Variants in PDZRN3 observed in about 807,000 individuals in gnomAD.
The protein encoded by PDZRN3 is E3 ubiquitin-protein ligase PDZRN3.
Under a neutral mutation model 85.7 loss-of-function variants are expected in PDZRN3, and 38 were observed. The observed-to-expected ratio is 0.44, with a 90% CI of 0.34 to 0.58. PDZRN3 has a LOEUF of 0.58. PDZRN3 is among the 20% of genes least tolerant of loss of function. The pLI is 0.01. For missense variants in PDZRN3, 1,629 were observed against 1,506.4 expected (o/e 1.08, Z -1.35); for synonymous variants, 759 against 638.0 (o/e 1.19, Z -2.86).
chr3:73,453,420 AAAAC>A (rs1702911648), intron 3 of PDZRN3, among the ~76,000 whole-genome samples: 7 of 90,916 alleles, frequency 7.7e-5, no homozygotes, highest in South Asian at 5.1e-4. Context: ...AAAAAAAAAA[AAAAC>A]AAAAAAAAAA....
In PDZRN3 at chr3:73,524,929, G is replaced by A. The variant is rs181010050; in HGVS notation, c.918+77425C>T. 5.2e-4 allele frequency among the ~76,000 whole-genome samples: 78 copies of A among 150,476 alleles called. 2 individuals are homozygous for A. The Middle Eastern group carries it at 0.038, about 74-fold the overall frequency. ...ATATACATATGAAAATCACAGATCC[G>A]ATTCATATATATGAAAATCATAGAT... On this transcript the variant is annotated intron_variant, in intron 3 of 9. Transcript: ENST00000263666.
chr3:73,409,013 T>C (rs1029250904), intron 3 of PDZRN3, among the ~76,000 whole-genome samples: 2 of 152,188 alleles, frequency 1.3e-5, no homozygotes, highest in Admixed American at 6.5e-5. Context: ...TTTAAAACAG[T>C]TTATGCAGCT....
rs78503012 is a variant in PDZRN3, at chr3:73,543,747, A to G, written c.918+58607T>C. 3.3e-3 allele frequency among the ~76,000 whole-genome samples: 504 copies of G among 152,352 alleles called. 1 individual carries two copies. Among genetic ancestry groups the G allele is most frequent in the African/African-American group, 0.012 (486 of 41,582 alleles). On this transcript the variant is annotated intron_variant, in intron 3 of 9. Coordinates refer to ENST00000263666, the MANE Select transcript of PDZRN3 (RefSeq NM_015009.3). ...CTCAGCAAAGTCAATCCTTGGGGCTATTGCACAGAACATCTGATACCTTTA... is the reference window on the plus strand; with the variant it reads ...CTCAGCAAAGTCAATCCTTGGGGCTGTTGCACAGAACATCTGATACCTTTA...
At chr3:73,470,541 G>C (rs1300576576) in intron 3 of PDZRN3, among the ~76,000 whole-genome samples, 2 of 152,184 alleles carry the variant, frequency 1.3e-5, no homozygotes, top group Admixed American at 1.3e-4. Flanking sequence ...TTTGAATCCA[G>C]GGCTGTAACT....
At chr3:73,581,762 A>G (rs1702204831) in intron 3 of PDZRN3, among the ~76,000 whole-genome samples, 1 of 152,088 alleles carries the variant, frequency 6.6e-6, no homozygotes, top group African/African-American at 2.4e-5. Context: ...AACATGTTGG[A>G]AAATGAGCAC....
chr3:73,548,049 G>A (rs892838413), intron 3 of PDZRN3, among the ~76,000 whole-genome samples: 1 of 152,202 alleles, frequency 6.6e-6, no homozygotes, highest in Non-Finnish European at 1.5e-5. Flanking sequence ...TGGAGTGCTT[G>A]CTGAGATAAG....
At chr3:73,454,807 G>T (rs767581623) in intron 3 of PDZRN3, among the ~76,000 whole-genome samples, 1 of 151,928 alleles carries the variant, frequency 6.6e-6, no homozygotes, top group African/African-American at 2.4e-5. Flanking sequence ...TTAAAAGCAT[G>T]AACAAATACT....
At chr3:73,527,908 C>T (rs189425608) in intron 3 of PDZRN3, among the ~76,000 whole-genome samples, 13 of 152,276 alleles carry the variant, frequency 8.5e-5, no homozygotes, top group Non-Finnish European at 1.5e-4. Context: ...AGGCAAAACA[C>T]GAACTACAGA....
chr3:73,420,471 T>TATTTG (rs1702177457), intron 3 of PDZRN3, among the ~76,000 whole-genome samples: 1 of 152,210 alleles, frequency 6.6e-6, no homozygotes. Flanking sequence ...TCTGAGAATT[T>TATTTG]TCCCTAAAAG....
chr3:73,566,330 A>G (rs1259203459), intron 3 of PDZRN3, among the ~76,000 whole-genome samples: 1 of 152,224 alleles, frequency 6.6e-6, no homozygotes, highest in East Asian at 1.9e-4. Context: ...ATTTTCTCAA[A>G]ATATTTACAT....
At chr3:73,517,165 T>A (rs1000090224) in intron 3 of PDZRN3, among the ~76,000 whole-genome samples, 5 of 152,190 alleles carry the variant, frequency 3.3e-5, no homozygotes, top group Non-Finnish European at 7.3e-5. Context: ...GGTGATACAG[T>A]GGAAAGATCC....
chr3:73,568,982 G>C (rs987638447), intron 3 of PDZRN3, among the ~76,000 whole-genome samples: 5 of 152,144 alleles, frequency 3.3e-5, no homozygotes, highest in Non-Finnish European at 5.9e-5. Flanking sequence ...TGAAATTGTT[G>C]TTCTGCCCTT....
intron 3 of PDZRN3, among the ~76,000 whole-genome samples, chr3:73,571,138 C>T (rs1344820804): frequency 6.6e-6 from 1 of 152,222 alleles, no homozygotes; most frequent in Non-Finnish European, 1.5e-5. Flanking sequence ...GAGATTAAAA[C>T]ATTTCAGTCA....
chr3:73,433,913 T>C, intron 3 of PDZRN3: 2 of 1,426,580 alleles, frequency 1.4e-6, no homozygotes, highest in Non-Finnish European at 1.8e-6. Context: ...GCAGCATGCA[T>C]GCATGCACGC....
intron 3 of PDZRN3, among the ~76,000 whole-genome samples, chr3:73,426,512 C>G (rs1007124766): frequency 2.0e-5 from 3 of 151,932 alleles, no homozygotes; most frequent in Admixed American, 6.6e-5. Context: ...AGTTCTCAAA[C>G]AAAACAATTT....
intron 3 of PDZRN3, among the ~76,000 whole-genome samples, chr3:73,559,580 T>G (rs1157090629): frequency 6.6e-6 from 1 of 152,200 alleles, no homozygotes; most frequent in Non-Finnish European, 1.5e-5. Context: ...GAGCCTTCAG[T>G]TGATTTGAAG....
intron 1 of PDZRN3, among the ~76,000 whole-genome samples, chr3:73,623,226 T>C (rs970142150): frequency 6.6e-6 from 1 of 152,194 alleles, no homozygotes; most frequent in African/African-American, 2.4e-5. Context: ...ACTCTCTCCC[T>C]GAAGCCTGAC....
At chr3:73,599,453 G>C (rs1427065553) in intron 3 of PDZRN3, among the ~76,000 whole-genome samples, 1 of 152,206 alleles carries the variant, frequency 6.6e-6, no homozygotes, top group Non-Finnish European at 1.5e-5. Context: ...TATTTAGTGA[G>C]TGTAGAGTTT....
intron 3 of PDZRN3, among the ~76,000 whole-genome samples, chr3:73,556,092 A>G (rs903278640): frequency 1.3e-5 from 2 of 152,186 alleles, no homozygotes; most frequent in African/African-American, 4.8e-5. Context: ...TTAACTTTCA[A>G]TATCTTCATC....
Sources: allele counts gnomAD v4.1 joint callset (sites outside exome capture counted in the v4.1 genomes callset), GRCh38; gene constraint gnomAD v4.1.1; transcripts MANE v1.5; gene names NCBI Gene and HGNC (gene_info 2026-07-23, HGNC 2026-07-21).